PNLIP: variants seen among roughly 807,000 people sequenced by gnomAD.
The protein encoded by PNLIP is pancreatic lipase, also known as pancreatic triacylglycerol lipase.
PNLIP carries 49 observed loss-of-function variants against 57.1 expected under a neutral mutation model. The observed-to-expected ratio is 0.86, with a 90% CI of 0.68 to 1.09. The LOEUF (loss-of-function observed/expected upper bound fraction) is 1.09. Among genes scored for constraint, PNLIP ranks in the 50% least tolerant of loss-of-function variants. The probability of loss-of-function intolerance (pLI) is 0.00; values close to 1 mark genes in which losing one functional copy is unlikely to be tolerated. For synonymous variants in PNLIP, 209 were observed against 200.4 expected, an observed-to-expected ratio of 1.04 and a Z score of -0.36; for missense variants, 503 against 570.2, an observed-to-expected ratio of 0.88 and a Z score of 1.20.
rs146397489 is a variant in PNLIP at position 116,559,314 on chromosome 10, T to G, written c.1060+31T>G. The G allele has an allele frequency of 9.5e-4, 1,417 of 1,495,946 alleles. 1 individual carries two copies. Among genetic ancestry groups the G allele is most frequent in the Non-Finnish European group, 1.3e-3 (1,353 of 1,079,252 alleles). 92.7% of individuals were successfully genotyped at this position (1,495,946 alleles called of 1,614,324 possible). A position where few individuals can be genotyped will look rare whatever the true frequency, so the allele number is the denominator to read the frequency against. Reference sequence around the variant, plus strand: ...TTTCTGTTTTCTGTATCTTATATTCTTATTGCTATATATTTTATTATTATG... The same window carrying G: ...TTTCTGTTTTCTGTATCTTATATTCGTATTGCTATATATTTTATTATTATG... On this transcript the variant is annotated intron_variant, in intron 10 of 12. Transcript: ENST00000369221.
At chr10:116,550,389 A>G (rs1348427603) in intron 4 of PNLIP, among the ~76,000 whole-genome samples, 7 of 151,920 alleles carry the variant, frequency 4.6e-5, no homozygotes, top group Non-Finnish European at 7.4e-5. Context: ...AAAAAAAAAG[A>G]AGCTATACAT....
chr10:116,547,509 G>T (rs1756543286), intron 3 of PNLIP, 61 bp downstream of exon 3: 2 of 1,368,452 alleles, frequency 1.5e-6, no homozygotes, highest in African/African-American at 2.9e-5. Context: ...GGCGGTTCAC[G>T]AGGTCAGGAG....
intron 5 of PNLIP, among the ~76,000 whole-genome samples, chr10:116,552,543 C>T (rs182746815): frequency 8.9e-4 from 136 of 152,218 alleles, no homozygotes; most frequent in African/African-American, 2.5e-3. Flanking sequence ...TACAGGGATA[C>T]AGAGTGTTTT....
At chr10:116,547,238 A>G in intron 2 of PNLIP, 56 bp from the exon 3 acceptor site, 1 of 1,542,192 alleles carries the variant, frequency 6.5e-7, no homozygotes, top group South Asian at 1.1e-5. Flanking sequence ...ATATTGGCAG[A>G]CAGATCATTA....
At chr10:116,559,317 T>A (rs958015662) in intron 10 of PNLIP, 34 bp downstream of exon 10, 33 of 1,474,650 alleles carry the variant, frequency 2.2e-5, no homozygotes, top group Non-Finnish European at 2.9e-5. Context: ...TATATTCTTA[T>A]TGCTATATAT....
chr10:116,556,854 A>G (rs1252736134), intron 9 of PNLIP, among the ~76,000 whole-genome samples: 2 of 152,192 alleles, frequency 1.3e-5, no homozygotes, highest in Non-Finnish European at 2.9e-5. Flanking sequence ...ACAATTACCC[A>G]GGATATATAC....
chr10:116,554,872 G>T (rs1847235972), intron 6 of PNLIP, among the ~76,000 whole-genome samples: 1 of 152,208 alleles, frequency 6.6e-6, no homozygotes, highest in African/African-American at 2.4e-5. Context: ...GGAGTTCACA[G>T]TCTAATGGGG....
chr10:116,551,323 A>G (rs951366773), intron 5 of PNLIP, 91 bp downstream of exon 5: 39 of 945,500 alleles, frequency 4.1e-5, no homozygotes, highest in Non-Finnish European at 2.4e-5. Context: ...AGATTTAATC[A>G]TAGATAAAGA....
chr10:116,561,964 T>A (rs1031757156), intron 12 of PNLIP, among the ~76,000 whole-genome samples: 1 of 152,176 alleles, frequency 6.6e-6, no homozygotes, highest in South Asian at 2.1e-4. Flanking sequence ...TCTTCCAAAC[T>A]TCCCAGGCTC....
chr10:116,563,540 C>A (rs1332098681), intron 12 of PNLIP, among the ~76,000 whole-genome samples: 2 of 152,240 alleles, frequency 1.3e-5, no homozygotes, highest in African/African-American at 4.8e-5. Flanking sequence ...TATCCCTCGC[C>A]CCTCCCACTC....
chr10:116,562,680 G>A (rs369947829), intron 12 of PNLIP, among the ~76,000 whole-genome samples: 83 of 152,326 alleles, frequency 5.4e-4, no homozygotes, highest in African/African-American at 1.9e-3. Context: ...CCATGTATGA[G>A]AACAAACCAG....
chr10:116,550,539 A>G (rs550870331), intron 4 of PNLIP, among the ~76,000 whole-genome samples: 2 of 152,208 alleles, frequency 1.3e-5, no homozygotes, highest in Non-Finnish European at 2.9e-5. Flanking sequence ...AGTGATGTAC[A>G]ATAAAACACG....
intron 4 of PNLIP, among the ~76,000 whole-genome samples, chr10:116,549,893 C>T (rs949379841): frequency 6.6e-6 from 1 of 152,024 alleles, no homozygotes; most frequent in Non-Finnish European, 1.5e-5. Flanking sequence ...GACGCAGAAA[C>T]AAGTGGTTTA....
rs1159100038 is a variant in PNLIP, at chr10:116,547,336, A to T, written c.89A>T (p.Asp30Val). The change falls in exon 3 of 13, where the codon GAC (aspartate) becomes GTC (valine). Residue 30 changes from aspartate (D) to valine (V), a missense_variant. Physicochemically the swap from Asp to Val is radical, Grantham distance 152. Transcript: ENST00000369221. ...GAAAGACTCGGCTGCTTCAGTGATG[A>T]CTCCCCATGGTCAGGAATTACGGAA... ...CYERLGCFSD[D>V]SPWSGITERP... is the part of the protein sequence containing the mutation. 2 of 1,613,698 alleles carry T rather than the reference A, an allele frequency of 1.2e-6. No individual in the cohort carries two copies. Among genetic ancestry groups the T allele is most frequent in the Admixed American group, 1.7e-5 (1 of 59,980 alleles).
chr10:116,560,307 A>C (rs1360989802), intron 10 of PNLIP, 109 bp from the exon 11 acceptor site: 1 of 609,226 alleles, frequency 1.6e-6, no homozygotes, highest in African/African-American at 1.9e-5. Flanking sequence ...ACACACACAC[A>C]CAATTATAAA....
intron 2 of PNLIP, 118 bp from the exon 3 acceptor site, chr10:116,547,176 T>G (rs1041777762): frequency 2.8e-5 from 24 of 861,072 alleles, no homozygotes; most frequent in Admixed American, 5.6e-5. Context: ...GCTAGGAGGG[T>G]GTTGAGAGTA....
intron 12 of PNLIP, among the ~76,000 whole-genome samples, chr10:116,566,781 T>C (rs1046681949): frequency 3.3e-5 from 5 of 152,198 alleles, no homozygotes; most frequent in African/African-American, 1.2e-4. Context: ...GTGTCCCTGA[T>C]TGATAACAGT....
In PNLIP at chr10:116,555,985, G is replaced by T. The variant is rs200462087; in HGVS notation, c.812-15G>T. On this transcript the variant is annotated splice_polypyrimidine_tract_variant and intron_variant, in intron 8 of 12. Coordinates refer to ENST00000369221, the MANE Select transcript of PNLIP (RefSeq NM_000936.4). ...TAAAATCTGTCCTTGATGTGTAATT[G>T]TGTCTGATTCAAAGGGACTCGAGAC... 6 of 1,449,756 alleles carry T rather than the reference G, an allele frequency of 4.1e-6. No homozygotes were observed. The highest frequency in any genetic ancestry group is 5.8e-6 in the Non-Finnish European group (6 of 1,030,676). 89.8% of individuals were successfully genotyped at this position (1,449,756 alleles called of 1,614,324 possible).
In PNLIP at chr10:116,561,580, A is replaced by G; in HGVS notation, c.1278A>G (p.Pro426=). ...TTTGGTATAACAATGTGATCAACCC[A>G]ACTTTACCTAGAGTGGGAGCATCCA... is the stretch of plus-strand genomic sequence containing the variant. ...KFIWYNNVIN[P]TLPRVGASKI... is the part of the protein sequence containing the mutation. Residue 426 remains proline, a synonymous_variant, in exon 12 of 13, where the codon CCA becomes CCG. Coordinates refer to ENST00000369221, the MANE Select transcript of PNLIP (RefSeq NM_000936.4). 2 of 1,613,656 alleles carry G rather than the reference A, an allele frequency of 1.2e-6. No individual in the cohort carries two copies. The highest frequency in any genetic ancestry group is 1.7e-6 in the Non-Finnish European group (2 of 1,179,736).
Sources: gnomAD v4.1 joint callset for allele counts (sites outside exome capture counted in the v4.1 genomes callset) on GRCh38, gnomAD v4.1.1 for gene constraint, MANE v1.5 for transcripts, NCBI Gene and HGNC (gene_info 2026-07-23, HGNC 2026-07-21) for gene names.